The following HS6ST3 variants were observed in gnomAD, a reference collection of about 807,000 sequenced individuals.
The protein encoded by HS6ST3 is heparan-sulfate 6-O-sulfotransferase 3.
A neutral mutation model predicts 36.7 loss-of-function variants in HS6ST3; 12 were observed. The observed-to-expected ratio is 0.33, with a 90% CI of 0.21 to 0.53. HS6ST3 has a LOEUF of 0.53. Among genes scored for constraint, HS6ST3 ranks in the 20% least tolerant of loss-of-function variants. HS6ST3 has a pLI of 0.95. For missense variants in HS6ST3, 584 were observed against 640.9 expected, an observed-to-expected ratio of 0.91 and a Z score of 0.96; for synonymous variants, 240 against 257.5, an observed-to-expected ratio of 0.93 and a Z score of 0.65.
chr13:96,361,720 A>AAACCC (rs1270573817), intron 1 of HS6ST3, among the ~76,000 whole-genome samples: 5 of 152,170 alleles, frequency 3.3e-5, no homozygotes, highest in African/African-American at 4.8e-5. Flanking sequence ...AAGAACAGCA[A>AAACCC]AACCCAGTTT....
chr13:96,540,215 G>T (rs959701217), intron 1 of HS6ST3, among the ~76,000 whole-genome samples: 1 of 152,172 alleles, frequency 6.6e-6, no homozygotes, highest in Non-Finnish European at 1.5e-5. Context: ...TCTTTGGCAA[G>T]TTCAGCCTGA....
chr13:96,206,166 CA>C (rs1261618435), intron 1 of HS6ST3, among the ~76,000 whole-genome samples: 1 of 151,982 alleles, frequency 6.6e-6, no homozygotes, highest in African/African-American at 2.4e-5. Flanking sequence ...CTAACACCAA[CA>C]ACAGGCAAGC....
intron 1 of HS6ST3, among the ~76,000 whole-genome samples, chr13:96,678,615 A>G (rs1056846581): frequency 3.4e-4 from 52 of 151,762 alleles, no homozygotes; most frequent in African/African-American, 1.2e-3. Context: ...CAGAGGCTGC[A>G]GTGAGCCAAG....
intron 1 of HS6ST3, among the ~76,000 whole-genome samples, chr13:96,368,661 A>G (rs1031669624): frequency 6.6e-6 from 1 of 152,176 alleles, no homozygotes; most frequent in Non-Finnish European, 1.5e-5. Flanking sequence ...TTAGTCAGCT[A>G]TCAATTATTT....
chr13:96,485,776 C>T (rs1021366083), intron 1 of HS6ST3, among the ~76,000 whole-genome samples: 12 of 152,138 alleles, frequency 7.9e-5, no homozygotes, highest in Non-Finnish European at 1.3e-4. Flanking sequence ...ATCAGTTCTA[C>T]TGACATGACA....
At chr13:96,468,297 C>A (rs966252375) in intron 1 of HS6ST3, among the ~76,000 whole-genome samples, 2 of 151,884 alleles carry the variant, frequency 1.3e-5, no homozygotes, top group South Asian at 4.2e-4. Context: ...GCATTTTTTC[C>A]TCATAACTTA....
chr13:96,424,104 T>C (rs756281902), intron 1 of HS6ST3, among the ~76,000 whole-genome samples: 2 of 152,232 alleles, frequency 1.3e-5, no homozygotes, highest in Admixed American at 6.5e-5. Context: ...TTCAGTAATA[T>C]GAAATCCAAT....
At chr13:96,522,030 C>G (rs2056095481) in intron 1 of HS6ST3, among the ~76,000 whole-genome samples, 1 of 152,148 alleles carries the variant, frequency 6.6e-6, no homozygotes, top group Non-Finnish European at 1.5e-5. Context: ...AAATGTGTCC[C>G]AGATATTCTG....
rs542041025 is a variant in HS6ST3, at chr13:96,269,096, A to G, written c.707+177527A>G. ...TCTTACAATTTATAATTGTTTGTAT[A>G]TACCATAACAATGGCTCAGAACTCA... On this transcript the variant is annotated intron_variant, in intron 1 of 1. Transcript: ENST00000376705. 4.5e-4 allele frequency among the ~76,000 whole-genome samples: 68 copies of G among 152,102 alleles called. 2 individuals carry two copies. The highest frequency in any genetic ancestry group is 1.6e-3 in the African/African-American group (68 of 41,408).
intron 1 of HS6ST3, among the ~76,000 whole-genome samples, chr13:96,248,932 T>C (rs1047004233): frequency 1.8e-4 from 28 of 152,198 alleles, no homozygotes; most frequent in African/African-American, 6.5e-4. Flanking sequence ...TCTAGTGTAA[T>C]TGATGTGGCC....
At chr13:96,520,738 G>A (rs2056090018) in intron 1 of HS6ST3, among the ~76,000 whole-genome samples, 2 of 152,160 alleles carry the variant, frequency 1.3e-5, no homozygotes, top group Admixed American at 1.3e-4. Flanking sequence ...AGCTTAAGGA[G>A]GTTTTGGGCT....
chr13:96,451,450 C>T (rs1050709261), intron 1 of HS6ST3, among the ~76,000 whole-genome samples: 7 of 152,132 alleles, frequency 4.6e-5, no homozygotes, highest in Non-Finnish European at 8.8e-5. Context: ...TTTATCTTAG[C>T]TTTCCAAGCA....
intron 1 of HS6ST3, among the ~76,000 whole-genome samples, chr13:96,772,943 T>G (rs775781438): frequency 3.9e-5 from 6 of 152,010 alleles, no homozygotes; most frequent in Non-Finnish European, 5.9e-5. Flanking sequence ...GGTGGGTGAT[T>G]TCTGCATTTC....
chr13:96,734,245 G>A (rs1451522020), intron 1 of HS6ST3, among the ~76,000 whole-genome samples: 3 of 152,194 alleles, frequency 2.0e-5, no homozygotes, highest in East Asian at 3.9e-4. Context: ...GCTGCACAAA[G>A]GAAATACTCT....
intron 1 of HS6ST3, among the ~76,000 whole-genome samples, chr13:96,366,825 A>G (rs1279817774): frequency 6.6e-6 from 1 of 152,184 alleles, no homozygotes; most frequent in East Asian, 1.9e-4. Flanking sequence ...GGTAAAGATA[A>G]TTGAATCATG....
intron 1 of HS6ST3, among the ~76,000 whole-genome samples, chr13:96,508,912 A>T (rs1159963143): frequency 6.6e-6 from 1 of 152,070 alleles, no homozygotes; most frequent in Admixed American, 6.6e-5. Context: ...TGGCTGGATC[A>T]AATGGTAGAT....
chr13:96,164,193 C>T (rs2054150284), intron 1 of HS6ST3, among the ~76,000 whole-genome samples: 1 of 152,138 alleles, frequency 6.6e-6, no homozygotes, highest in Non-Finnish European at 1.5e-5. Context: ...CACATACATG[C>T]CAACTGTGTC....
intron 1 of HS6ST3, among the ~76,000 whole-genome samples, chr13:96,094,699 G>C (rs878965030): frequency 6.6e-6 from 1 of 152,134 alleles, no homozygotes; most frequent in Non-Finnish European, 1.5e-5. Flanking sequence ...AAACTTCAAG[G>C]GGCCATCATA....
At chr13:96,525,806 T>A (rs1422980310) in intron 1 of HS6ST3, among the ~76,000 whole-genome samples, 1 of 152,216 alleles carries the variant, frequency 6.6e-6, no homozygotes, top group Admixed American at 6.5e-5. Context: ...AGCTACTTAC[T>A]GTGTACGCTA....
Sources: allele counts gnomAD v4.1 joint callset (sites outside exome capture counted in the v4.1 genomes callset), GRCh38; gene constraint gnomAD v4.1.1; transcripts MANE v1.5; gene names NCBI Gene and HGNC (gene_info 2026-07-23, HGNC 2026-07-21).